SLC12A7: variants seen among roughly 807,000 people sequenced by gnomAD.
SLC12A7 encodes K-Cl cotransporter 4.
In SLC12A7, 100 loss-of-function variants were observed where a neutral mutation model predicts 120.6. That is an observed-to-expected ratio of 0.83 (90% CI 0.71 to 0.98). SLC12A7 has a LOEUF of 0.98. Ranked by LOEUF, SLC12A7 falls within the 50% of genes least tolerant of loss-of-function variation. The probability of loss-of-function intolerance (pLI) is 0.00; values close to 1 mark genes in which losing one functional copy is unlikely to be tolerated. For synonymous variants in SLC12A7, 760 were observed against 678.0 expected (o/e 1.12, Z -1.88); for missense variants, 1,373 against 1,548.1 (o/e 0.89, Z 1.90).
chr5:1,154,716 C>T, the SLC12A7 span, among the ~76,000 whole-genome samples: 16 of 152,336 alleles, frequency 1.1e-4, no homozygotes, highest in Admixed American at 4.6e-4. Context: ...GAAACGGACA[C>T]GCACGGCCCC....
chr5:1,074,562 C>T lies in SLC12A7; in HGVS notation c.2072+5G>A, dbSNP rs1188241523. On this transcript the variant is annotated splice_donor_5th_base_variant and intron_variant, in intron 16 of 23. Transcript: ENST00000264930. ...TGAGGACCACGGGGCATGGGCGGTGCTCACCTCCAGTTCTTGGTGTGGGGG... is the reference window on the plus strand; with the variant it reads ...TGAGGACCACGGGGCATGGGCGGTGTTCACCTCCAGTTCTTGGTGTGGGGG... 1 of 1,610,132 alleles carries T rather than the reference C, an allele frequency of 6.2e-7. No homozygotes were observed. Among genetic ancestry groups the T allele is most frequent in the Non-Finnish European group, 8.5e-7 (1 of 1,178,096 alleles).
At chr5:1,150,616 G>A in the SLC12A7 span, among the ~76,000 whole-genome samples, 1 of 152,244 alleles carries the variant, frequency 6.6e-6, no homozygotes, top group African/African-American at 2.4e-5. Flanking sequence ...GAACAGAAAG[G>A]ATGGACATGC....
intron 17 of SLC12A7, among the ~76,000 whole-genome samples, chr5:1,066,317 G>T (rs1353125785): frequency 3.3e-5 from 5 of 152,210 alleles, no homozygotes; most frequent in African/African-American, 1.2e-4. Context: ...GGATGGACCA[G>T]ACCCCACATT....
chr5:1,077,727 A>G, intron 12 of SLC12A7, 106 bp downstream of exon 12: 1 of 1,216,972 alleles, frequency 8.2e-7, no homozygotes, highest in African/African-American at 1.6e-5. Flanking sequence ...ATGGGGTCCA[A>G]GCCGCGGGCA....
chr5:1,132,706 T>C, the SLC12A7 span, among the ~76,000 whole-genome samples: 1 of 152,172 alleles, frequency 6.6e-6, no homozygotes, highest in Non-Finnish European at 1.5e-5. Context: ...CTCCTTGGCG[T>C]GCTCCGGCCC....
chr5:1,082,239 C>T (rs9688107), intron 8 of SLC12A7, among the ~76,000 whole-genome samples: 2 of 141,326 alleles, frequency 1.4e-5, no homozygotes, highest in African/African-American at 2.7e-5. Flanking sequence ...TTCTGGAAAG[C>T]CTGGGCTTCC....
At chr5:1,144,518 C>T in the SLC12A7 span, among the ~76,000 whole-genome samples, 2 of 152,206 alleles carry the variant, frequency 1.3e-5, no homozygotes, top group Admixed American at 1.3e-4. Flanking sequence ...CGGGAGGAGC[C>T]CTCAGCTCCG....
At chr5:1,116,824 G>A (rs908251446), upstream of SLC12A7, among the ~76,000 whole-genome samples, 4 of 149,562 alleles carry the variant, frequency 2.7e-5, no homozygotes, top group Non-Finnish European at 5.9e-5. Flanking sequence ...CTGCTCCACA[G>A]GTGACTTCTT....
upstream of SLC12A7, among the ~76,000 whole-genome samples, chr5:1,115,540 G>A (rs1463847338): frequency 1.3e-5 from 2 of 152,210 alleles, no homozygotes; most frequent in African/African-American, 4.8e-5. Flanking sequence ...TGCGCCATCT[G>A]CATCCTTCTG....
chr5:1,155,829 C>A, the SLC12A7 span, among the ~76,000 whole-genome samples: 1 of 151,250 alleles, frequency 6.6e-6, no homozygotes, highest in African/African-American at 2.4e-5. Flanking sequence ...GGGCCCCGCA[C>A]CCCCCGCCGC....
intron 17 of SLC12A7, among the ~76,000 whole-genome samples, chr5:1,072,596 GCCCCCAGTGAGC>G (rs761227926): frequency 4.8e-3 from 4 of 840 alleles, no homozygotes; most frequent in African/African-American, 6.3e-3. Flanking sequence ...CACTTATGCA[GCCCCCAGTGAGC>G]CCCCAGTGAG....
At chr5:1,076,488 C>G (rs1484841299) in intron 13 of SLC12A7, among the ~76,000 whole-genome samples, 20 of 152,184 alleles carry the variant, frequency 1.3e-4, no homozygotes. Flanking sequence ...TCCAGCCACA[C>G]TGTCCCTGGC....
chr5:1,064,225 T>C lies in SLC12A7; in HGVS notation c.2465A>G (p.His822Arg), dbSNP rs1455484593. The change falls in exon 19 of 24, where the codon CAC (histidine) becomes CGC (arginine). Residue 822 changes from histidine (H) to arginine (R), a missense_variant. Transcript: ENST00000264930. ...VDTVRDTTAA[H>R]QALLVAKNVD... ...GTTCTTGGCCACCAGCAGAGCCTGG[T>C]GCGCGGCGGTGGTGTCGCGGACGGT... is the stretch of plus-strand genomic sequence containing the variant. 6.2e-7 allele frequency: 1 copy of C among 1,611,876 alleles called. No individual in the cohort carries two copies. The highest frequency in any genetic ancestry group is 1.1e-5 in the South Asian group (1 of 90,996).
intron 1 of SLC12A7, among the ~76,000 whole-genome samples, chr5:1,103,061 C>T (rs1579437367): frequency 6.6e-6 from 1 of 152,296 alleles, no homozygotes. Flanking sequence ...TCCCTCTGCC[C>T]CTCACAGTTT....
At position 1,053,453 on chromosome 5, in the gene SLC12A7, G is replaced by A. The variant is rs1169741237; in HGVS notation, c.3056C>T (p.Thr1019Met). Residue 1019 changes from threonine (T) to methionine (M), a missense_variant, in exon 23 of 24, where the codon ACG (threonine) becomes ATG (methionine). Thr to Met is a moderately conservative substitution (Grantham distance 81). Transcript: ENST00000264930. ...PDQSNVRRMH[T>M]AVKLNGVVLN... ...GACGACGCCATTGAGCTTCACAGCC[G>A]TGTGCATCCGCCTGACGTTGGACTG... 1.2e-6 allele frequency: 2 copies of A among 1,613,660 alleles called. No individual in the cohort carries two copies. The highest frequency in any genetic ancestry group is 1.6e-4 in the Middle Eastern group (1 of 6,084).
upstream of SLC12A7, among the ~76,000 whole-genome samples, chr5:1,112,718 C>T (rs1207969859): frequency 7.4e-6 from 1 of 135,666 alleles, no homozygotes; most frequent in Non-Finnish European, 1.6e-5. Flanking sequence ...GCTGTCAACA[C>T]CCGCTCAGAC....
rs780889847 is a variant in SLC12A7, at chr5:1,093,672, T to C, written c.220-17A>G. ...CATCTCCTCCTGCGCGGCGTGGACA[T>C]GGTCACAGGCGGCCCGCACCTCGCC... On this transcript the variant is annotated splice_polypyrimidine_tract_variant and intron_variant, in intron 2 of 23. Coordinates refer to ENST00000264930, the MANE Select transcript of SLC12A7 (RefSeq NM_006598.3). 15 of 1,611,978 alleles carry C rather than the reference T, an allele frequency of 9.3e-6. No homozygotes were observed. In the African/African-American group the frequency reaches 1.3e-4, roughly 14 times the overall value.
At position 1,079,106 on chromosome 5, in the gene SLC12A7, G is replaced by T. The variant is rs377082458; in HGVS notation, c.1396+292C>A. ...TTGGGATTGAGAAGCCAGAGGCCCC[G>T]CGGGCCCAGCCTGCCGGCGGCACAC... On this transcript the variant is annotated intron_variant, in intron 10 of 23. Coordinates refer to ENST00000264930, the MANE Select transcript of SLC12A7 (RefSeq NM_006598.3). Among the ~76,000 whole-genome samples, 14 of 152,254 alleles carry T rather than the reference G, an allele frequency of 9.2e-5. No homozygotes were observed. The South Asian group carries it at 1.9e-3, about 20-fold the overall frequency.
chr5:1,146,581 G>C, the SLC12A7 span, among the ~76,000 whole-genome samples: 4 of 152,196 alleles, frequency 2.6e-5, no homozygotes, highest in Non-Finnish European at 5.9e-5. The surrounding 1 kb of genome is among the most constrained non-coding windows in gnomAD (Gnocchi z 6.5). Context: ...GGGAAGCGGT[G>C]GTCGGCCATG....
Sources: gnomAD v4.1 joint callset for allele counts (sites outside exome capture counted in the v4.1 genomes callset) on GRCh38, gnomAD v4.1.1 for gene constraint, Gnocchi (gnomAD v3.1) non-coding constraint, MANE v1.5 for transcripts, NCBI Gene and HGNC (gene_info 2026-07-23, HGNC 2026-07-21) for gene names.